Variants in RBFOX1 observed in about 807,000 individuals in gnomAD.
The protein encoded by RBFOX1 is RNA binding fox-1 homolog 1, also known as RNA binding protein fox-1 homolog 1.
In RBFOX1, 8 loss-of-function variants were observed where a neutral mutation model predicts 57.7. The ratio of observed to expected loss-of-function variants is 0.14; its 90% CI spans 0.08 to 0.25. The LOEUF (loss-of-function observed/expected upper bound fraction) is 0.25. RBFOX1 is among the 10% of genes least tolerant of loss of function. The pLI is 1.00. For synonymous variants in RBFOX1, 326 were observed against 222.4 expected, an observed-to-expected ratio of 1.47 and a Z score of -4.15; for missense variants, 611 against 548.5, an observed-to-expected ratio of 1.11 and a Z score of -1.14.
chr16:6,075,928 A>G (rs1341818573), intron 1 of RBFOX1, among the ~76,000 whole-genome samples: 1 of 152,216 alleles, frequency 6.6e-6, no homozygotes. Context: ...CTAATGAGGC[A>G]GGTACATTTG....
intron 1 of RBFOX1, among the ~76,000 whole-genome samples, chr16:6,256,287 GTATATATATATGTA>G (rs1200399245): frequency 1.2e-4 from 13 of 108,112 alleles, no homozygotes; most frequent in Non-Finnish European, 1.7e-4. Flanking sequence ...ATATATGTGT[GTATATATATATGTA>G]TATATATATA....
intron 3 of RBFOX1, among the ~76,000 whole-genome samples, chr16:5,653,621 C>A (rs1323317807): frequency 6.6e-6 from 1 of 152,182 alleles, no homozygotes; most frequent in South Asian, 2.1e-4. Context: ...CGCTAACAGA[C>A]CAGAAGCCTG....
At chr16:7,414,282 A>T (rs1327219158) in intron 4 of RBFOX1, among the ~76,000 whole-genome samples, 1 of 152,354 alleles carries the variant, frequency 6.6e-6, no homozygotes, top group East Asian at 1.9e-4. Context: ...CCTGCCTTAC[A>T]CAAGGAACTC....
intron 3 of RBFOX1, among the ~76,000 whole-genome samples, chr16:6,804,162 C>T (rs761953714): frequency 1.3e-5 from 2 of 152,040 alleles, no homozygotes. Flanking sequence ...TGCCCGCCAC[C>T]ATGCCCAGCT....
chr16:6,930,407 TTTGTTA>T (rs1319061410), intron 3 of RBFOX1, among the ~76,000 whole-genome samples: 9 of 152,022 alleles, frequency 5.9e-5, no homozygotes, highest in African/African-American at 1.9e-4. Flanking sequence ...GATGGCTATT[TTTGTTA>T]TTGTTGTTAT....
At chr16:6,540,701 A>C (rs1415296261) in intron 2 of RBFOX1, among the ~76,000 whole-genome samples, 1 of 151,676 alleles carries the variant, frequency 6.6e-6, no homozygotes, top group Non-Finnish European at 1.5e-5. Context: ...TGTGTTGACA[A>C]ATTCTTATAC....
intron 1 of RBFOX1, among the ~76,000 whole-genome samples, chr16:6,229,089 G>C (rs1341275374): frequency 3.3e-5 from 5 of 151,994 alleles, no homozygotes; most frequent in Non-Finnish European, 7.4e-5. Flanking sequence ...ATCTTATTGA[G>C]AGACCATGTT....
At chr16:7,255,323 A>C (rs1320820477) in intron 4 of RBFOX1, among the ~76,000 whole-genome samples, 3 of 152,200 alleles carry the variant, frequency 2.0e-5, no homozygotes, top group Non-Finnish European at 4.4e-5. Flanking sequence ...TTGAGTACAA[A>C]AAGATTTCGT....
intron 3 of RBFOX1, among the ~76,000 whole-genome samples, chr16:7,006,804 A>C (rs2093330755): frequency 6.6e-6 from 1 of 152,166 alleles, no homozygotes; most frequent in South Asian, 2.1e-4. Flanking sequence ...TAGCAAAGTT[A>C]AGTCACCTGC....
chr16:6,715,172 C>T (rs1039906002), intron 3 of RBFOX1, among the ~76,000 whole-genome samples: 4 of 152,232 alleles, frequency 2.6e-5, no homozygotes, highest in African/African-American at 7.2e-5. Flanking sequence ...AAGAAACCCT[C>T]CTCACTCATA....
At chr16:5,662,076 G>A (rs960353852) in intron 3 of RBFOX1, among the ~76,000 whole-genome samples, 1 of 152,068 alleles carries the variant, frequency 6.6e-6, no homozygotes, top group African/African-American at 2.4e-5. Flanking sequence ...ATGAGCTACC[G>A]CGCCCGGCCA....
At chr16:7,237,381 A>C (rs909215747) in intron 4 of RBFOX1, among the ~76,000 whole-genome samples, 4 of 152,204 alleles carry the variant, frequency 2.6e-5, no homozygotes, top group Non-Finnish European at 5.9e-5. Flanking sequence ...TACATACAAT[A>C]ATAATTAATA....
At chr16:5,819,216 C>T (rs2055757470) in intron 3 of RBFOX1, among the ~76,000 whole-genome samples, 1 of 152,160 alleles carries the variant, frequency 6.6e-6, no homozygotes, top group African/African-American at 2.4e-5. Context: ...GGCCCACTTC[C>T]TAGATGGCCG....
At chr16:6,937,633 A>G (rs1013352058) in intron 3 of RBFOX1, among the ~76,000 whole-genome samples, 1 of 152,100 alleles carries the variant, frequency 6.6e-6, no homozygotes, top group Non-Finnish European at 1.5e-5. Flanking sequence ...CGGTCTGGAA[A>G]GGTGGGACAA....
At chr16:7,560,550 A>G (rs898269346) in intron 5 of RBFOX1, among the ~76,000 whole-genome samples, 1 of 152,024 alleles carries the variant, frequency 6.6e-6, no homozygotes, top group Non-Finnish European at 1.5e-5. Context: ...AAAAAAAGCA[A>G]AAATTGTTTT....
intron 2 of RBFOX1, among the ~76,000 whole-genome samples, chr16:6,557,124 TAC>T (rs1279029188): frequency 3.3e-4 from 47 of 141,098 alleles, no homozygotes; most frequent in African/African-American, 1.1e-3. Flanking sequence ...CATATATACA[TAC>T]ATATACATAT....
At chr16:5,525,561 G>A (rs2044212744) in intron 2 of RBFOX1, among the ~76,000 whole-genome samples, 1 of 144,424 alleles carries the variant, frequency 6.9e-6, no homozygotes, top group Non-Finnish European at 1.5e-5. Context: ...GCAGTGGCGT[G>A]ATCTCAGCTC....
At chr16:6,682,444 A>C (rs1232484662) in intron 3 of RBFOX1, among the ~76,000 whole-genome samples, 1 of 152,220 alleles carries the variant, frequency 6.6e-6, no homozygotes, top group Admixed American at 6.5e-5. Context: ...GGAAAAGGAA[A>C]GTTAGACATT....
At chr16:5,465,172 C>T (rs3843729) in intron 1 of RBFOX1, among the ~76,000 whole-genome samples, 74,857 of 151,982 alleles carry the variant, frequency 0.49, 20,040 homozygotes, top group East Asian at 0.6. Context: ...AGTCCAAGAT[C>T]GAGGTGTCAG....
Sources: gnomAD v4.1 joint callset for allele counts (sites outside exome capture counted in the v4.1 genomes callset) on GRCh38, gnomAD v4.1.1 for gene constraint, MANE v1.5 for transcripts, NCBI Gene and HGNC (gene_info 2026-07-23, HGNC 2026-07-21) for gene names.